The following HS1BP3 variants were observed in gnomAD, a reference collection of about 807,000 sequenced individuals.
HS1BP3 encodes the protein HCLS1-binding protein 3.
In HS1BP3, 32 loss-of-function variants were observed where a neutral mutation model predicts 33.5. The ratio of observed to expected loss-of-function variants is 0.95; its 90% CI spans 0.72 to 1.28. The LOEUF (loss-of-function observed/expected upper bound fraction) is 1.28, where lower values mean the gene tolerates loss of function less well. HS1BP3 is among the 50% of genes most tolerant of loss of function. The probability of loss-of-function intolerance (pLI) is 0.00; values close to 1 mark genes in which losing one functional copy is unlikely to be tolerated. For missense variants in HS1BP3, 486 were observed against 502.3 expected, an observed-to-expected ratio of 0.97 and a Z score of 0.31; for synonymous variants, 187 against 209.2, an observed-to-expected ratio of 0.89 and a Z score of 0.92.
chr2:20,607,289 G>A (rs1277102422), intron 2 of HS1BP3, among the ~76,000 whole-genome samples: 5 of 151,970 alleles, frequency 3.3e-5, no homozygotes, highest in Non-Finnish European at 5.9e-5. Flanking sequence ...CTGAGTAGCT[G>A]GAGTTACAGA....
intron 4 of HS1BP3, chr2:20,636,806 C>T (rs1326850957): frequency 6.6e-6 from 1 of 152,236 alleles, no homozygotes. Context: ...ATCATGCAAG[C>T]AAATGCTAAC....
downstream of HS1BP3, among the ~76,000 whole-genome samples, chr2:20,590,513 C>T (rs1007025942): frequency 2.6e-5 from 4 of 152,248 alleles, no homozygotes; most frequent in African/African-American, 7.2e-5. Flanking sequence ...CTCCCCTTGG[C>T]GATCTCTGGT....
At chr2:20,581,256 C>G (rs572299753) in intron 5 of HS1BP3, among the ~76,000 whole-genome samples, 9 of 152,224 alleles carry the variant, frequency 5.9e-5, no homozygotes, top group Non-Finnish European at 1.0e-4. Context: ...ATTTATCTCA[C>G]TGTCTGTATT....
downstream of HS1BP3, among the ~76,000 whole-genome samples, chr2:20,559,321 C>A (rs561418624): frequency 6.6e-6 from 1 of 152,264 alleles, no homozygotes; most frequent in African/African-American, 2.4e-5. Flanking sequence ...ATCTGACTCC[C>A]GCTGTCACTG....
chr2:20,628,327 T>C (rs964696657), intron 4 of HS1BP3, among the ~76,000 whole-genome samples: 5 of 152,172 alleles, frequency 3.3e-5, no homozygotes, highest in Admixed American at 3.3e-4. Context: ...AGGTGGCTTA[T>C]GCCTGTAATC....
chr2:20,618,806 C>T lies in HS1BP3; in HGVS notation c.*181G>A. The stretch of plus-strand genomic sequence containing the variant: ...AGCCGCTCCCGCAGCCCGCAGGCTT[C>T]TACTTTGGCCCCACAGCCCCGGAGA... On this transcript the variant is annotated 3_prime_UTR_variant, in exon 7 of 7. Coordinates refer to ENST00000304031, the MANE Select transcript of HS1BP3 (RefSeq NM_022460.4). 2 of 1,414,184 alleles carry T rather than the reference C, an allele frequency of 1.4e-6. No homozygotes were observed. Among genetic ancestry groups the T allele is most frequent in the South Asian group, 3.2e-5 (2 of 62,330 alleles). The allele number at this position is 1,414,184 out of a possible 1,614,324, so 87.6% of individuals were successfully genotyped here. A position where few individuals can be genotyped will look rare whatever the true frequency, so the allele number is the denominator to read the frequency against.
chr2:20,638,877 A>G (rs1400940482), intron 3 of HS1BP3, among the ~76,000 whole-genome samples: 2 of 152,228 alleles, frequency 1.3e-5, no homozygotes, highest in Non-Finnish European at 2.9e-5. Flanking sequence ...CAGCCCCCCA[A>G]GGGCTGACGG....
chr2:20,616,766 C>A (rs1694435365), downstream of HS1BP3, among the ~76,000 whole-genome samples: 1 of 152,082 alleles, frequency 6.6e-6, no homozygotes, highest in Non-Finnish European at 1.5e-5. Context: ...ATCCTCTCCC[C>A]CTCTCCCCTC....
chr2:20,633,274 G>T (rs1695021883), intron 4 of HS1BP3, among the ~76,000 whole-genome samples: 1 of 152,224 alleles, frequency 6.6e-6, no homozygotes, highest in Admixed American at 6.5e-5. Context: ...CTTCTGCAAA[G>T]CTGCCCAGGG....
At chr2:20,594,705 T>A (rs1054449844) in intron 3 of HS1BP3, among the ~76,000 whole-genome samples, 8 of 152,122 alleles carry the variant, frequency 5.3e-5, no homozygotes, top group African/African-American at 1.9e-4. Context: ...ATACCGTGGA[T>A]GGGGTGGCTT....
downstream of HS1BP3, among the ~76,000 whole-genome samples, chr2:20,555,448 C>T (rs1692813330): frequency 6.6e-6 from 1 of 152,158 alleles, no homozygotes; most frequent in Non-Finnish European, 1.5e-5. Flanking sequence ...CAGAGTAAGG[C>T]CCTGGGTAAT....
At chr2:20,554,645 C>G in the HS1BP3 span, among the ~76,000 whole-genome samples, 1 of 151,168 alleles carries the variant, frequency 6.6e-6, no homozygotes. Context: ...TCGCTTGAAC[C>G]CAGGAGGCGG....
At position 20,645,460 on chromosome 2, in the gene HS1BP3, C is replaced by A; in HGVS notation, c.78G>T (p.Gln26His). 6.2e-7 allele frequency: 1 copy of A among 1,613,972 alleles called. No individual in the cohort carries two copies. The highest frequency in any genetic ancestry group is 8.5e-7 in the Non-Finnish European group (1 of 1,179,950). The change falls in exon 2 of 7, where the codon CAG becomes CAT. Residue 26 changes from glutamine (Q) to histidine (H), a missense_variant. Coordinates refer to ENST00000304031, the MANE Select transcript of HS1BP3 (RefSeq NM_022460.4). ...AHTGLDLTVPQHQEVRGKMMS... is the reference protein window; with the variant it reads ...AHTGLDLTVPHHQEVRGKMMS... ...TCATCTTGCCCCGTACCTCCTGGTG[C>A]TGGGGCACAGTCAGGTCGAGGCCAG...
At chr2:20,570,699 G>A (rs908493078) in intron 5 of HS1BP3, among the ~76,000 whole-genome samples, 1 of 152,226 alleles carries the variant, frequency 6.6e-6, no homozygotes, top group African/African-American at 2.4e-5. Context: ...GTTCCCAGGT[G>A]TTAGTAAGAT....
At chr2:20,595,943 C>T (rs1180379451) in intron 3 of HS1BP3, among the ~76,000 whole-genome samples, 3 of 152,220 alleles carry the variant, frequency 2.0e-5, no homozygotes, top group African/African-American at 7.2e-5. Flanking sequence ...GACAGTTTCC[C>T]ACGTTCTTTC....
At chr2:20,578,765 A>G (rs1281552343) in intron 5 of HS1BP3, among the ~76,000 whole-genome samples, 4 of 152,172 alleles carry the variant, frequency 2.6e-5, no homozygotes, top group Non-Finnish European at 5.9e-5. Context: ...TGGACAGGGG[A>G]GGAAACTGAG....
At chr2:20,597,816 T>C (rs1028018972) in intron 3 of HS1BP3, among the ~76,000 whole-genome samples, 10 of 152,234 alleles carry the variant, frequency 6.6e-5, no homozygotes, top group African/African-American at 2.4e-4. Context: ...AAAGAAGACC[T>C]GCTTCCTGTT....
At chr2:20,568,467 G>A (rs78342140) in intron 5 of HS1BP3, among the ~76,000 whole-genome samples, 6,401 of 152,244 alleles carry the variant, frequency 0.042, 125 homozygotes, top group South Asian at 0.068. Flanking sequence ...GTGTTCACTC[G>A]GGGTGAGATG....
At chr2:20,597,540 G>C (rs1693971104) in intron 3 of HS1BP3, among the ~76,000 whole-genome samples, 1 of 152,116 alleles carries the variant, frequency 6.6e-6, no homozygotes, top group Non-Finnish European at 1.5e-5. Flanking sequence ...AGAAACCTCA[G>C]CGATTCCACA....
Sources: gnomAD v4.1 joint callset for allele counts (sites outside exome capture counted in the v4.1 genomes callset) on GRCh38, gnomAD v4.1.1 for gene constraint, MANE v1.5 for transcripts, NCBI Gene and HGNC (gene_info 2026-07-23, HGNC 2026-07-21) for gene names.